Variants in ARMH3 observed in about 807,000 individuals in gnomAD.
ARMH3 encodes the protein armadillo-like helical domain-containing protein 3.
Under a neutral mutation model 99.1 loss-of-function variants are expected in ARMH3, and 60 were observed. The observed-to-expected ratio is 0.61, with a 90% CI of 0.49 to 0.75. The LOEUF is 0.75. Ranked by LOEUF, ARMH3 falls within the 30% of genes least tolerant of loss-of-function variation. The probability of loss-of-function intolerance (pLI) is 0.00; values close to 1 mark genes in which losing one functional copy is unlikely to be tolerated. For missense variants in ARMH3, 679 were observed against 843.1 expected (o/e 0.81, Z 2.41); for synonymous variants, 285 against 292.8 (o/e 0.97, Z 0.27).
At chr10:101,884,887 G>A (rs1181205206) in intron 24 of ARMH3, among the ~76,000 whole-genome samples, 1 of 152,080 alleles carries the variant, frequency 6.6e-6, no homozygotes, top group East Asian at 1.9e-4. Context: ...ACCACAGAAT[G>A]GAGTAGAGTA....
intron 20 of ARMH3, among the ~76,000 whole-genome samples, chr10:101,965,139 G>A (rs1845478552): frequency 6.6e-6 from 1 of 152,226 alleles, no homozygotes; most frequent in African/African-American, 2.4e-5. Flanking sequence ...CCACTGAACT[G>A]TATGGTTAAA....
At chr10:101,924,769 G>A (rs543767940) in intron 23 of ARMH3, among the ~76,000 whole-genome samples, 121 of 152,162 alleles carry the variant, frequency 8.0e-4, no homozygotes, top group African/African-American at 2.9e-3. Flanking sequence ...CAAGGTGGGC[G>A]GATCACCTGA....
intron 23 of ARMH3, among the ~76,000 whole-genome samples, chr10:101,893,681 A>T (rs2067749254): frequency 6.6e-6 from 1 of 151,508 alleles, no homozygotes; most frequent in Non-Finnish European, 1.5e-5. Context: ...AAAAAAAAAG[A>T]GAGAGGAAGA....
chr10:101,886,896 T>TCCCTAAAATAA (rs1253175515), intron 24 of ARMH3, among the ~76,000 whole-genome samples: 1 of 152,216 alleles, frequency 6.6e-6, no homozygotes, highest in Non-Finnish European at 1.5e-5. Context: ...GGTTTTATTT[T>TCCCTAAAATAA]AGGGGTACTT....
intron 24 of ARMH3, among the ~76,000 whole-genome samples, chr10:101,858,887 A>G (rs2066794002): frequency 6.6e-6 from 1 of 152,216 alleles, no homozygotes; most frequent in Non-Finnish European, 1.5e-5. Flanking sequence ...CAAACAGTCA[A>G]CATGTTTGCT....
At chr10:102,028,882 T>C (rs2067059810) in intron 5 of ARMH3, among the ~76,000 whole-genome samples, 1 of 152,220 alleles carries the variant, frequency 6.6e-6, no homozygotes, top group Non-Finnish European at 1.5e-5. Context: ...ATTTATTTTC[T>C]TCTTTTTGAG....
In ARMH3 at chr10:101,964,001, C is replaced by T. The variant is rs553245478; in HGVS notation, c.1496-6269G>A. On this transcript the variant is annotated intron_variant, in intron 20 of 25. Transcript: ENST00000370033. ...ACGCCATTCTCCTGCCTCAGCCTCC[C>T]GAGCAGCTGGGACTACAGGCGCCCG... is the stretch of plus-strand genomic sequence containing the variant. 3.3e-5 allele frequency among the ~76,000 whole-genome samples: 5 copies of T among 151,812 alleles called. No individual in the cohort carries two copies. In the East Asian group the frequency reaches 7.7e-4, roughly 24 times the overall value.
chr10:102,009,222 G>A, intron 13 of ARMH3, 152 bp downstream of exon 13: 2 of 711,650 alleles, frequency 2.8e-6, no homozygotes, highest in South Asian at 3.6e-5. Context: ...GAGGACAGCA[G>A]GAAACAAAGG....
chr10:102,032,543 G>A, intron 4 of ARMH3, among the ~76,000 whole-genome samples: 1 of 152,094 alleles, frequency 6.6e-6, no homozygotes, highest in East Asian at 1.9e-4. Flanking sequence ...TGGGATTACA[G>A]GTGCCCACCA....
At chr10:101,955,619 T>C (rs868601085) in intron 22 of ARMH3, among the ~76,000 whole-genome samples, 1 of 152,360 alleles carries the variant, frequency 6.6e-6, no homozygotes, top group Middle Eastern at 3.4e-3. Flanking sequence ...TCCAGTTTCC[T>C]CATGATACAG....
intron 20 of ARMH3, among the ~76,000 whole-genome samples, chr10:101,958,092 C>T (rs1018296412): frequency 6.6e-6 from 1 of 152,138 alleles, no homozygotes; most frequent in Admixed American, 6.5e-5. Flanking sequence ...AAATGAGGGT[C>T]CCCCTTCCAC....
chr10:101,989,149 A>T (rs1390844737), intron 19 of ARMH3, among the ~76,000 whole-genome samples: 1 of 152,168 alleles, frequency 6.6e-6, no homozygotes, highest in Non-Finnish European at 1.5e-5. Flanking sequence ...AGATCACATT[A>T]ATGTGGCACA....
intron 24 of ARMH3, among the ~76,000 whole-genome samples, chr10:101,878,554 G>A (rs1464139079): frequency 3.3e-5 from 5 of 151,702 alleles, no homozygotes; most frequent in Non-Finnish European, 5.9e-5. Context: ...CAGGAAGACT[G>A]CTTGAGTCCA....
Position 102,041,090 on chromosome 10 carries a change from A to AATATATAT in ARMH3, c.-11-973_-11-966dup, listed in dbSNP as rs59124276. Among the ~76,000 whole-genome samples, 623 of 132,574 alleles carry AATATATAT rather than the reference A, an allele frequency of 4.7e-3. 5 individuals carry two copies. The highest frequency in any genetic ancestry group is 8.4e-3 in the Middle Eastern group (2 of 238). The allele number at this position is 132,574 out of a possible 152,430, so 87.0% of individuals were successfully genotyped here. Reference sequence around the variant, plus strand: ...ATTGTGTGTACATATATATATATATAATATATATATATATATATATATGTA... The same window carrying AATATATAT: ...ATTGTGTGTACATATATATATATATAATATATATATATATATATATATATATATATGTA... On this transcript the variant is annotated intron_variant, in intron 1 of 25. Transcript: ENST00000370033.
chr10:101,850,599 A>G (rs1340141789), intron 24 of ARMH3, among the ~76,000 whole-genome samples: 1 of 148,476 alleles, frequency 6.7e-6, no homozygotes, highest in African/African-American at 2.5e-5. Flanking sequence ...TAATTTTTGT[A>G]TTTTTAGTAG....
intron 23 of ARMH3, among the ~76,000 whole-genome samples, chr10:101,929,823 C>A (rs1213322254): frequency 6.6e-6 from 1 of 152,086 alleles, no homozygotes; most frequent in African/African-American, 2.4e-5. Context: ...GCAGATATTG[C>A]ATATGGACAT....
At chr10:101,926,908 C>T (rs1045247090) in intron 23 of ARMH3, among the ~76,000 whole-genome samples, 1 of 152,154 alleles carries the variant, frequency 6.6e-6, no homozygotes, top group African/African-American at 2.4e-5. Context: ...GAGAGCTGGC[C>T]GGGAAAGAAC....
Position 102,040,048 on chromosome 10 carries a change from C to T in ARMH3, c.67G>A (p.Glu23Lys). 4 of 1,614,158 alleles carry T rather than the reference C, an allele frequency of 2.5e-6. No homozygotes were observed. Among genetic ancestry groups the T allele is most frequent in the Non-Finnish European group, 3.4e-6 (4 of 1,180,016 alleles). Reference protein sequence around the residue: ...KSSASKKPLKEKVVLMYDEIF... With the variant: ...KSSASKKPLKKKVVLMYDEIF... ...TCATCATACATCAGCACCACTTTTT[C>T]CTTCAGTGGTTTTTTGGAGGCTGAA... The change falls in exon 2 of 26, where the codon GAA becomes AAA. Residue 23 changes from glutamate to lysine, a missense_variant. Glu to Lys is a moderately conservative substitution (Grantham distance 56, BLOSUM62 1). This residue lies in a region of ARMH3 where 280 missense variants were observed against 354.6 expected (regional missense o/e 0.79). Transcript: ENST00000370033.
At chr10:102,007,353 A>AAT (rs1554888333) in intron 13 of ARMH3, among the ~76,000 whole-genome samples, 2 of 149,968 alleles carry the variant, frequency 1.3e-5, no homozygotes, top group Non-Finnish European at 3.0e-5. Context: ...AAAAAAAAAA[A>AAT]CTGGGGTCAA....
Sources: allele counts gnomAD v4.1 joint callset (sites outside exome capture counted in the v4.1 genomes callset), GRCh38; gene constraint gnomAD v4.1.1; regional missense constraint gnomAD v4.1.1; transcripts MANE v1.5; gene names NCBI Gene and HGNC (gene_info 2026-07-23, HGNC 2026-07-21).